The following CSMD1 variants were observed in gnomAD, a reference collection of about 807,000 sequenced individuals.
CSMD1 encodes the protein CUB and sushi domain-containing protein 1.
In CSMD1, 213 loss-of-function variants were observed where a neutral mutation model predicts 417.5. The observed-to-expected ratio is 0.51, with a 90% CI of 0.46 to 0.57. The LOEUF (loss-of-function observed/expected upper bound fraction) is 0.57. Among genes scored for constraint, CSMD1 ranks in the 20% least tolerant of loss-of-function variants. The pLI is 0.00. For synonymous variants in CSMD1, 2,862 were observed against 1,736.8 expected (o/e 1.65, Z -16.11); for missense variants, 6,923 against 4,529.7 (o/e 1.53, Z -15.17).
intron 3 of CSMD1, among the ~76,000 whole-genome samples, chr8:4,324,950 A>G (rs1304830043): frequency 6.6e-6 from 1 of 152,100 alleles, no homozygotes; most frequent in Non-Finnish European, 1.5e-5. Flanking sequence ...AGGCAATTGT[A>G]TTTGGAAAGG....
intron 26 of CSMD1, chr8:3,278,645 A>G (rs1166380947): frequency 9.4e-6 from 1 of 106,478 alleles, no homozygotes; most frequent in Non-Finnish European, 2.0e-5. Flanking sequence ...TTTATAGGTA[A>G]AGTTCCTCGT....
intron 5 of CSMD1, among the ~76,000 whole-genome samples, chr8:3,775,929 G>A (rs1798864726): frequency 6.6e-6 from 1 of 152,196 alleles, no homozygotes; most frequent in Non-Finnish European, 1.5e-5. Context: ...TCATGGATGT[G>A]AATGCCACCT....
intron 5 of CSMD1, among the ~76,000 whole-genome samples, chr8:3,761,161 C>A (rs1349521641): frequency 1.3e-5 from 2 of 152,020 alleles, no homozygotes; most frequent in African/African-American, 4.8e-5. Flanking sequence ...TACAACTGTT[C>A]CAAGTCTTAT....
chr8:3,968,048 G>C (rs1035329812), intron 5 of CSMD1, among the ~76,000 whole-genome samples: 5 of 146,598 alleles, frequency 3.4e-5, no homozygotes, highest in African/African-American at 1.3e-4. Flanking sequence ...TTAGCCGGGA[G>C]TGGTGGCGGG....
intron 1 of CSMD1, among the ~76,000 whole-genome samples, chr8:4,836,546 C>A (rs1292860500): frequency 6.6e-6 from 1 of 152,140 alleles, no homozygotes; most frequent in East Asian, 1.9e-4. Flanking sequence ...AATATTTAGA[C>A]ACAGAGAGGT....
intron 48 of CSMD1, among the ~76,000 whole-genome samples, chr8:3,088,414 T>C (rs943945770): frequency 1.3e-5 from 2 of 152,200 alleles, no homozygotes; most frequent in Non-Finnish European, 2.9e-5. Flanking sequence ...CACTTCCCTC[T>C]GGGGCTTCCA....
chr8:3,634,243 G>A (rs1041367806), intron 7 of CSMD1, among the ~76,000 whole-genome samples: 1 of 152,210 alleles, frequency 6.6e-6, no homozygotes, highest in Non-Finnish European at 1.5e-5. Context: ...AATGGTGGGG[G>A]CCTTTGGCCA....
intron 3 of CSMD1, among the ~76,000 whole-genome samples, chr8:4,276,201 G>A (rs771290344): frequency 1.4e-4 from 21 of 152,112 alleles, no homozygotes; most frequent in Non-Finnish European, 2.4e-4. Context: ...GTTCACAATA[G>A]CAAAGACCTG....
At chr8:4,605,897 G>A (rs1357080659) in intron 2 of CSMD1, among the ~76,000 whole-genome samples, 1 of 152,154 alleles carries the variant, frequency 6.6e-6, no homozygotes, top group East Asian at 1.9e-4. Context: ...CATTTGGAAT[G>A]TTCCCGAGAT....
chr8:3,215,140 T>C (rs1797810712), intron 29 of CSMD1, among the ~76,000 whole-genome samples: 2 of 152,206 alleles, frequency 1.3e-5, no homozygotes, highest in Admixed American at 1.3e-4. Context: ...GAATTTGGCT[T>C]CTCAAAATGA....
At position 2,935,803 on chromosome 8, in the gene CSMD1, A is replaced by G. The variant is rs1801418200; in HGVS notation, c.*2782T>C. Reference sequence around the variant, plus strand: ...CTTTTTTTTACCCCCTTTTTATAATAGCTTTTTGTTGTTGTTTACAAAATA... The same window carrying G: ...CTTTTTTTTACCCCCTTTTTATAATGGCTTTTTGTTGTTGTTTACAAAATA... On this transcript the variant is annotated 3_prime_UTR_variant, in exon 70 of 70. Transcript: ENST00000635120. The G allele has an allele frequency of 1.3e-5, 2 of 152,148 alleles. No homozygotes were observed. The highest frequency in any genetic ancestry group is 4.1e-4 in the South Asian group (2 of 4,836). The allele number at this position is 152,148 out of a possible 1,614,324, so 9.4% of individuals were successfully genotyped here. A position where few individuals can be genotyped will look rare whatever the true frequency, so the allele number is the denominator to read the frequency against.
At chr8:3,520,237 A>T (rs1344367598) in intron 10 of CSMD1, among the ~76,000 whole-genome samples, 1 of 152,102 alleles carries the variant, frequency 6.6e-6, no homozygotes, top group African/African-American at 2.4e-5. Context: ...TAAGTTGATT[A>T]TAGGTTGGCC....
At chr8:3,405,898 T>G in intron 15 of CSMD1, 129 bp downstream of exon 15, 2 of 801,062 alleles carry the variant, frequency 2.5e-6, no homozygotes, top group Non-Finnish European at 3.9e-6. Context: ...TCCTGTTGGT[T>G]AAGTGACTGT....
intron 26 of CSMD1, among the ~76,000 whole-genome samples, chr8:3,257,190 TG>T (rs1360828826): frequency 6.6e-6 from 1 of 152,040 alleles, no homozygotes; most frequent in Non-Finnish European, 1.5e-5. Context: ...GGTTTGGTGG[TG>T]CATCCATCTG....
intron 26 of CSMD1, among the ~76,000 whole-genome samples, chr8:3,245,687 T>A (rs904931911): frequency 1.3e-5 from 2 of 152,142 alleles, no homozygotes; most frequent in African/African-American, 4.8e-5. Flanking sequence ...ATGTACAAAG[T>A]TTATTTTTTC....
intron 10 of CSMD1, among the ~76,000 whole-genome samples, chr8:3,523,731 TCA>T (rs1438853836): frequency 2.5e-5 from 3 of 117,722 alleles, no homozygotes; most frequent in Admixed American, 8.7e-5. Flanking sequence ...GCATGCACAC[TCA>T]GAGACACATG....
chr8:3,919,031 A>G lies in CSMD1; in HGVS notation c.818+78872T>C, dbSNP rs181156212. 1.6e-3 allele frequency among the ~76,000 whole-genome samples: 244 copies of G among 152,114 alleles called. 1 individual carries two copies. The highest frequency in any genetic ancestry group is 5.6e-3 in the African/African-American group (234 of 41,506). ...CTGCTCCAGAAACACCTATGGAAAT[A>G]TTTTTAAAAAATATGTGGTTGTAAA... On this transcript the variant is annotated intron_variant, in intron 5 of 69. Transcript: ENST00000635120.
chr8:3,237,397 C>G (rs1799215873), intron 26 of CSMD1, among the ~76,000 whole-genome samples: 1 of 151,482 alleles, frequency 6.6e-6, no homozygotes, highest in Non-Finnish European at 1.5e-5. Context: ...GTGGAGGTTA[C>G]AGTGAGCTGA....
chr8:3,371,396 G>C (rs1411297271), intron 18 of CSMD1, among the ~76,000 whole-genome samples: 1 of 151,858 alleles, frequency 6.6e-6, no homozygotes, highest in Admixed American at 6.6e-5. Context: ...GTGAATACAT[G>C]TAAGGAGCTC....
Sources: gnomAD v4.1 joint callset for allele counts (sites outside exome capture counted in the v4.1 genomes callset) on GRCh38, gnomAD v4.1.1 for gene constraint, MANE v1.5 for transcripts, NCBI Gene and HGNC (gene_info 2026-07-23, HGNC 2026-07-21) for gene names.